The following DNAH12 variants were observed in gnomAD, a reference collection of about 807,000 sequenced individuals.
DNAH12 encodes axonemal beta dynein heavy chain 12.
Under a neutral mutation model 371.5 loss-of-function variants are expected in DNAH12, and 285 were observed. The ratio of observed to expected loss-of-function variants is 0.77; its 90% CI spans 0.70 to 0.85. DNAH12 has a LOEUF of 0.85. Among genes scored for constraint, DNAH12 ranks in the 40% least tolerant of loss-of-function variants. The pLI, the probability that DNAH12 is intolerant of heterozygous loss-of-function variation, is 0.00. For missense variants in DNAH12, 3,611 were observed against 3,689.4 expected (o/e 0.98, Z 0.55); for synonymous variants, 1,200 against 1,213.0 (o/e 0.99, Z 0.22).
chr3:57,361,116 G>A (rs1156453618), intron 58 of DNAH12, among the ~76,000 whole-genome samples: 1 of 151,832 alleles, frequency 6.6e-6, no homozygotes, highest in Admixed American at 6.6e-5. Flanking sequence ...TTGGGAGGCC[G>A]AGACGGGTAG....
chr3:57,382,023 G>A (rs1042719002), intron 50 of DNAH12, among the ~76,000 whole-genome samples: 11 of 152,016 alleles, frequency 7.2e-5, no homozygotes, highest in South Asian at 2.1e-4. Context: ...GCCCACCACC[G>A]CACCTGGCTA....
At chr3:57,313,236 C>A (rs62252048) in intron 66 of DNAH12, among the ~76,000 whole-genome samples, 35,154 of 152,084 alleles carry the variant, frequency 0.23, 4,359 homozygotes, top group African/African-American at 0.28. Context: ...TACAGAGAAG[C>A]AAGAACAGAC....
intron 32 of DNAH12, among the ~76,000 whole-genome samples, chr3:57,432,975 G>T (rs991827819): frequency 6.6e-6 from 1 of 151,822 alleles, no homozygotes; most frequent in Admixed American, 6.6e-5. Flanking sequence ...ATCTCATAGC[G>T]CCGAAGGTGA....
chr3:57,300,067 CCCTCTAG>C (rs2061314706), intron 70 of DNAH12, among the ~76,000 whole-genome samples: 1 of 152,162 alleles, frequency 6.6e-6, no homozygotes, highest in African/African-American at 2.4e-5. Context: ...TCTGCATAGC[CCCTCTAG>C]TACCACCCTA....
intron 4 of DNAH12, among the ~76,000 whole-genome samples, chr3:57,517,831 T>C (rs983030738): frequency 2.6e-5 from 4 of 151,424 alleles, no homozygotes; most frequent in African/African-American, 2.4e-5. Context: ...TGGATCCCTT[T>C]CAGCTCAGGA....
In DNAH12 at chr3:57,514,460, G is replaced by A. The variant is rs527321484; in HGVS notation, c.280-3481C>T. 9.2e-5 allele frequency among the ~76,000 whole-genome samples: 14 copies of A among 151,456 alleles called. 1 individual carries two copies. The South Asian group carries it at 2.1e-3, about 23-fold the overall frequency. ...AATGCAAGAGTATCTACAGTATGACGCATTTTGTGTAAGAAAACATACCTG... is the reference window on the plus strand; with the variant it reads ...AATGCAAGAGTATCTACAGTATGACACATTTTGTGTAAGAAAACATACCTG... On this transcript the variant is annotated intron_variant, in intron 4 of 73. Transcript: ENST00000495027.
At chr3:57,418,113 T>G (rs1454940466) in intron 37 of DNAH12, among the ~76,000 whole-genome samples, 1 of 151,946 alleles carries the variant, frequency 6.6e-6, no homozygotes. Flanking sequence ...GATGCTGGAA[T>G]GCACTGCATT....
At chr3:57,500,644 A>C (rs2067507694) in intron 11 of DNAH12, among the ~76,000 whole-genome samples, 1 of 152,094 alleles carries the variant, frequency 6.6e-6, no homozygotes. Flanking sequence ...TAATCTCTTC[A>C]CCAATTTCCC....
At chr3:57,508,274 T>A in intron 7 of DNAH12, 108 bp downstream of exon 7, 3 of 1,085,562 alleles carry the variant, frequency 2.8e-6, no homozygotes, top group South Asian at 4.4e-5. Flanking sequence ...AACTCTAAAA[T>A]CTAGAGAAAA....
chr3:57,494,396 T>TA (rs766752149), intron 11 of DNAH12, among the ~76,000 whole-genome samples: 134 of 150,336 alleles, frequency 8.9e-4, no homozygotes, highest in African/African-American at 1.3e-3. Context: ...CTACTAAAAA[T>TA]AAAAAAAAAT....
At chr3:57,325,029 C>T (rs891937006) in intron 62 of DNAH12, among the ~76,000 whole-genome samples, 22 of 152,260 alleles carry the variant, frequency 1.4e-4, no homozygotes, top group Admixed American at 1.4e-3. Flanking sequence ...GGGGCGCCCG[C>T]CATTGCCCAG....
At chr3:57,418,490 T>C (rs1461433071) in intron 37 of DNAH12, among the ~76,000 whole-genome samples, 2 of 148,566 alleles carry the variant, frequency 1.3e-5, no homozygotes, top group African/African-American at 5.0e-5. Flanking sequence ...CAGTGAGCCG[T>C]GATCGCACCA....
chr3:57,425,901 C>G (rs1422575735), intron 34 of DNAH12, among the ~76,000 whole-genome samples: 1 of 151,966 alleles, frequency 6.6e-6, no homozygotes, highest in Non-Finnish European at 1.5e-5. Context: ...ATTAAATAGA[C>G]AAAAATAATA....
At position 57,472,668 on chromosome 3, in the gene DNAH12, A is replaced by C. The variant is rs544221288; in HGVS notation, c.1654T>G (p.Ser552Ala). Reference protein sequence around the residue: ...IEELILRIQESKRQMSYFLDV... With the variant: ...IEELILRIQEAKRQMSYFLDV... ...AAAAAGTAACTCATTTGGCGTTTAGATTCCTACAAAAGAAACTCTGGATAT... is the reference window on the plus strand; with the variant it reads ...AAAAAGTAACTCATTTGGCGTTTAGCTTCCTACAAAAGAAACTCTGGATAT... The change falls in exon 14 of 74, where the codon TCT (serine) becomes GCT (alanine). Residue 552 changes from serine (S) to alanine (A), a missense_variant. This residue lies in a region of DNAH12 where 1,314 missense variants were observed against 1,398.7 expected (regional missense o/e 0.94). Coordinates refer to ENST00000495027, the MANE Select transcript of DNAH12 (RefSeq NM_001366028.2). The C allele has an allele frequency of 6.5e-7, 1 of 1,549,050 alleles. No individual in the cohort carries two copies. The highest frequency in any genetic ancestry group is 2.0e-5 in the Admixed American group (1 of 50,730).
intron 55 of DNAH12, among the ~76,000 whole-genome samples, chr3:57,373,698 CAG>C (rs2063224053): frequency 6.6e-6 from 1 of 152,144 alleles, no homozygotes; most frequent in Non-Finnish European, 1.5e-5. Flanking sequence ...GGTTCTAAAA[CAG>C]AATTAACCGA....
At chr3:57,360,602 C>T (rs1031409660) in intron 58 of DNAH12, among the ~76,000 whole-genome samples, 11 of 152,030 alleles carry the variant, frequency 7.2e-5, no homozygotes, top group Admixed American at 1.3e-4. Flanking sequence ...GCAGAAGAAT[C>T]GCTTGAACTC....
intron 38 of DNAH12, 38 bp downstream of exon 38, chr3:57,415,388 A>C: frequency 6.5e-7 from 1 of 1,537,490 alleles, no homozygotes; most frequent in East Asian, 2.5e-5. Context: ...AAGACAAAAA[A>C]ATTAACGATA....
chr3:57,370,406 A>G (rs1575513067), intron 55 of DNAH12, among the ~76,000 whole-genome samples: 1 of 152,210 alleles, frequency 6.6e-6, no homozygotes, highest in Admixed American at 6.5e-5. Context: ...TCACTTACAG[A>G]TGGGGAAACC....
At chr3:57,455,031 C>CTAA (rs1292912005) in intron 22 of DNAH12, 137 bp from the exon 23 acceptor site, 3 of 773,088 alleles carry the variant, frequency 3.9e-6, no homozygotes, top group Non-Finnish European at 5.5e-6. Flanking sequence ...TGTTAAATGA[C>CTAA]TAAAAGACTC....
Sources: allele counts gnomAD v4.1 joint callset (sites outside exome capture counted in the v4.1 genomes callset), GRCh38; gene constraint gnomAD v4.1.1; regional missense constraint gnomAD v4.1.1; transcripts MANE v1.5; gene names NCBI Gene and HGNC (gene_info 2026-07-23, HGNC 2026-07-21).